The following C10orf67 variants were observed in gnomAD, a reference collection of about 807,000 sequenced individuals.
C10orf67 encodes chromosome 10 open reading frame 67.
Under a neutral mutation model 35.6 loss-of-function variants are expected in C10orf67, and 60 were observed. The ratio of observed to expected loss-of-function variants is 1.68; its 90% CI spans 1.37 to 2.09. The LOEUF is 2.09. Among genes scored for constraint, C10orf67 ranks in the 30% most tolerant of loss-of-function variants. C10orf67 has a pLI of 0.00. For missense variants in C10orf67, 474 were observed against 330.2 expected (o/e 1.44, Z -3.38); for synonymous variants, 167 against 115.8 (o/e 1.44, Z -2.84).
intron 15 of C10orf67, among the ~76,000 whole-genome samples, chr10:23,215,752 A>T (rs1309409635): frequency 6.6e-6 from 1 of 152,188 alleles, no homozygotes; most frequent in Admixed American, 6.5e-5. Flanking sequence ...GAAAATTAAA[A>T]TTAATTATCA....
At chr10:23,260,761 T>C (rs979063509) in intron 10 of C10orf67, among the ~76,000 whole-genome samples, 1 of 152,224 alleles carries the variant, frequency 6.6e-6, no homozygotes, top group African/African-American at 2.4e-5. Context: ...TATTGACCTC[T>C]TATCAATCAG....
intron 7 of C10orf67, 34 bp from the exon 8 acceptor site, chr10:23,282,112 G>C: frequency 2.0e-6 from 1 of 505,568 alleles, no homozygotes; most frequent in Non-Finnish European, 3.6e-6. Flanking sequence ...TTTTATTAAA[G>C]ATAAGAACAG....
chr10:23,342,571 T>C (rs1258549430), intron 1 of C10orf67, among the ~76,000 whole-genome samples: 2 of 152,156 alleles, frequency 1.3e-5, no homozygotes, highest in Non-Finnish European at 2.9e-5. Flanking sequence ...CAAGTGCATT[T>C]TTTTTTGGGA....
At chr10:23,339,552 C>A (rs1845808313) in intron 1 of C10orf67, among the ~76,000 whole-genome samples, 1 of 152,174 alleles carries the variant, frequency 6.6e-6, no homozygotes, top group Non-Finnish European at 1.5e-5. Flanking sequence ...CCCTGCAGAC[C>A]AGCAGTTGTC....
At chr10:23,313,877 G>A (rs1013193120) in intron 4 of C10orf67, among the ~76,000 whole-genome samples, 1 of 152,090 alleles carries the variant, frequency 6.6e-6, no homozygotes. Flanking sequence ...GGTCAGACTT[G>A]TGTTTTGAAC....
At chr10:23,258,467 T>A (rs1486463374) in intron 10 of C10orf67, 3 of 165,620 alleles carry the variant, frequency 1.8e-5, no homozygotes, top group African/African-American at 7.2e-5. Flanking sequence ...TTCTGATCAC[T>A]GGCAATTTGG....
In C10orf67 at chr10:23,300,180, C is replaced by T. The variant is rs143583315; in HGVS notation, c.702+3124G>A. On this transcript the variant is annotated intron_variant, in intron 5 of 15. Transcript: ENST00000636213. Reference sequence around the variant, plus strand: ...AGAGGATCTTTGTCCCCTGGGGCAGCGGGCCTTCCAGTGATTCCCTTGACA... The same window carrying T: ...AGAGGATCTTTGTCCCCTGGGGCAGTGGGCCTTCCAGTGATTCCCTTGACA... Among the ~76,000 whole-genome samples, 581 of 152,150 alleles carry T rather than the reference C, an allele frequency of 3.8e-3. 14 individuals are homozygous for T. The East Asian group carries it at 0.049, about 13-fold the overall frequency.
intron 5 of C10orf67, among the ~76,000 whole-genome samples, chr10:23,302,401 C>A (rs928082887): frequency 2.0e-5 from 3 of 152,082 alleles, no homozygotes; most frequent in Admixed American, 1.3e-4. Context: ...ACTACGTTTG[C>A]CCATGAGGAA....
intron 15 of C10orf67, among the ~76,000 whole-genome samples, chr10:23,206,362 TAAA>T (rs1252416890): frequency 2.0e-5 from 3 of 152,180 alleles, no homozygotes; most frequent in African/African-American, 4.8e-5. Flanking sequence ...ATAAAAATAA[TAAA>T]AAATACACAT....
Position 23,296,065 on chromosome 10 carries a change from C to T in C10orf67, c.703-4786G>A, listed in dbSNP as rs1371245594. Among the ~76,000 whole-genome samples the T allele has an allele frequency of 3.3e-4, 50 of 152,186 alleles. 1 individual carries two copies. The highest frequency in any genetic ancestry group is 1.5e-5 in the Non-Finnish European group (1 of 68,006). ...GTACTAGTGAGGGATTTAGATAAAC[C>T]ATAAATTGTATTCAAAGGCATGAGC... On this transcript the variant is annotated intron_variant, in intron 5 of 15. Transcript: ENST00000636213.
intron 15 of C10orf67, among the ~76,000 whole-genome samples, chr10:23,208,042 A>G (rs1370693266): frequency 6.6e-6 from 1 of 152,216 alleles, no homozygotes; most frequent in African/African-American, 2.4e-5. Context: ...CTAGAGAAAA[A>G]TAAACACTCT....
intron 15 of C10orf67, among the ~76,000 whole-genome samples, chr10:23,217,512 G>A (rs1333987981): frequency 1.3e-5 from 2 of 152,108 alleles, no homozygotes; most frequent in Admixed American, 6.6e-5. Flanking sequence ...TCAGTGTTTT[G>A]TTACTACCAT....
intron 8 of C10orf67, among the ~76,000 whole-genome samples, chr10:23,281,469 C>G (rs1843363104): frequency 6.6e-6 from 1 of 152,028 alleles, no homozygotes; most frequent in South Asian, 2.1e-4. Context: ...TGGTAATCAG[C>G]TGAAAGCCAA....
intron 4 of C10orf67, among the ~76,000 whole-genome samples, chr10:23,314,963 G>A (rs903113276): frequency 6.6e-6 from 1 of 152,016 alleles, no homozygotes; most frequent in African/African-American, 2.4e-5. Context: ...ACCTTAACTG[G>A]TCTCCAGAGG....
intron 5 of C10orf67, among the ~76,000 whole-genome samples, chr10:23,293,103 T>A (rs1463341165): frequency 6.6e-6 from 1 of 152,206 alleles, no homozygotes; most frequent in Non-Finnish European, 1.5e-5. Flanking sequence ...CACAGAGGAT[T>A]ACATGAGCAC....
chr10:23,221,149 C>T (rs990592152), intron 15 of C10orf67, among the ~76,000 whole-genome samples: 5 of 152,026 alleles, frequency 3.3e-5, no homozygotes, highest in African/African-American at 9.7e-5. Context: ...CTTAACAGGA[C>T]GCATGGCTAG....
intron 13 of C10orf67, among the ~76,000 whole-genome samples, chr10:23,228,047 C>T (rs906052356): frequency 1.3e-5 from 2 of 152,304 alleles, no homozygotes; most frequent in African/African-American, 4.8e-5. Flanking sequence ...CCATTCCCAT[C>T]AAGCTACCAA....
intron 4 of C10orf67, among the ~76,000 whole-genome samples, chr10:23,307,109 C>T (rs1227526442): frequency 6.6e-6 from 1 of 152,162 alleles, no homozygotes; most frequent in Non-Finnish European, 1.5e-5. Context: ...TGCTTCCTAT[C>T]TGCATTCATT....
At chr10:23,254,626 G>A (rs1334328729) in intron 10 of C10orf67, among the ~76,000 whole-genome samples, 2 of 152,066 alleles carry the variant, frequency 1.3e-5, no homozygotes, top group East Asian at 3.8e-4. Context: ...CGGAAGTTAT[G>A]ATTCTTAAAT....
Sources: allele counts gnomAD v4.1 joint callset (sites outside exome capture counted in the v4.1 genomes callset), GRCh38; gene constraint gnomAD v4.1.1; transcripts MANE v1.5; gene names NCBI Gene and HGNC (gene_info 2026-07-23, HGNC 2026-07-21).